TMEM266: variants seen among roughly 807,000 people sequenced by gnomAD.
TMEM266 encodes transmembrane protein 266.
Under a neutral mutation model 50.5 loss-of-function variants are expected in TMEM266, and 33 were observed. The ratio of observed to expected loss-of-function variants is 0.65; its 90% CI spans 0.50 to 0.87. The LOEUF is 0.87. Ranked by LOEUF, TMEM266 falls within the 40% of genes least tolerant of loss-of-function variation. The probability of loss-of-function intolerance (pLI) is 0.00; values close to 1 mark genes in which losing one functional copy is unlikely to be tolerated. For synonymous variants in TMEM266, 310 were observed against 292.3 expected (o/e 1.06, Z -0.62); for missense variants, 655 against 695.1 (o/e 0.94, Z 0.65).
intron 1 of TMEM266, among the ~76,000 whole-genome samples, chr15:76,075,561 C>G (rs1596086458): frequency 6.6e-6 from 1 of 152,088 alleles, no homozygotes; most frequent in Admixed American, 6.5e-5. Context: ...TTGGGGACCC[C>G]TCAATCAGGC....
At chr15:76,106,043 A>G (rs2955752) in intron 1 of TMEM266, among the ~76,000 whole-genome samples, 123,003 of 151,608 alleles carry the variant, frequency 0.81, 50,023 homozygotes, top group Admixed American at 0.86. Context: ...TCTCCTCCAG[A>G]TTCCCAGATG....
rs773575245 is a variant in TMEM266, at chr15:76,168,805, G to A, written c.457-1011G>A. On this transcript the variant is annotated intron_variant, in intron 5 of 10. Transcript: ENST00000388942. The surrounding 1 kb of genome is among the most constrained non-coding windows in gnomAD (Gnocchi z 4.4). ...ACAAGGCAGTGCTGTGGAGGGTGAC[G>A]CCCAGAAACCATAGGAACACCCAGG... 1.3e-5 allele frequency among the ~76,000 whole-genome samples: 2 copies of A among 152,180 alleles called. No individual in the cohort carries two copies. Among genetic ancestry groups the A allele is most frequent in the Non-Finnish European group, 2.9e-5 (2 of 68,046 alleles).
chr15:76,202,164 C>T (rs1314917643), intron 9 of TMEM266, 38 bp from the exon 10 acceptor site: 17 of 1,562,232 alleles, frequency 1.1e-5, no homozygotes, highest in African/African-American at 1.4e-5. Context: ...AGAGAATGAA[C>T]TTGATGCACT....
intron 9 of TMEM266, 42 bp from the exon 10 acceptor site, chr15:76,202,160 T>C (rs867583362): frequency 9.0e-6 from 14 of 1,548,054 alleles, no homozygotes; most frequent in Admixed American, 1.7e-5. Context: ...GGGTAGAGAA[T>C]GAACTTGATG....
chr15:76,141,525 C>T lies in TMEM266; in HGVS notation c.227+3630C>T, dbSNP rs139488927. On this transcript the variant is annotated intron_variant, in intron 3 of 10. Coordinates refer to ENST00000388942, the MANE Select transcript of TMEM266 (RefSeq NM_152335.3). ...AAGTGTTGGGATTACAGGCGTGAGC[C>T]ACAGTGCCTAGCCTCAGTGTACTTT... is the stretch of plus-strand genomic sequence containing the variant. Among the ~76,000 whole-genome samples the T allele has an allele frequency of 5.2e-3, 796 of 152,274 alleles. 6 individuals are homozygous for T. Among genetic ancestry groups the T allele is most frequent in the African/African-American group, 0.019 (771 of 41,538 alleles).
At chr15:76,147,670 G>A (rs1357554096) in intron 3 of TMEM266, among the ~76,000 whole-genome samples, 2 of 152,220 alleles carry the variant, frequency 1.3e-5, no homozygotes, top group South Asian at 2.1e-4. Context: ...CATTTTTCCT[G>A]ATGAGCACTG....
intron 4 of TMEM266, among the ~76,000 whole-genome samples, chr15:76,159,559 C>G (rs1567171146): frequency 1.3e-5 from 2 of 152,170 alleles, no homozygotes; most frequent in African/African-American, 2.4e-5. Flanking sequence ...CTCACTGCAG[C>G]CTTCTCTCTA....
intron 5 of TMEM266, among the ~76,000 whole-genome samples, chr15:76,166,828 G>A (rs1198394771): frequency 6.6e-6 from 1 of 152,252 alleles, no homozygotes; most frequent in Non-Finnish European, 1.5e-5. Context: ...CAGAGTTTCA[G>A]TTTGGGAAGG....
intron 7 of TMEM266, among the ~76,000 whole-genome samples, chr15:76,171,827 CTG>C (rs1466536524): frequency 6.6e-6 from 1 of 152,162 alleles, no homozygotes; most frequent in African/African-American, 2.4e-5. Flanking sequence ...TGGGTGGCTC[CTG>C]TGTTTCCAGA....
chr15:76,088,276 G>A (rs951802498), intron 1 of TMEM266, among the ~76,000 whole-genome samples: 1 of 152,230 alleles, frequency 6.6e-6, no homozygotes, highest in Admixed American at 6.5e-5. Flanking sequence ...CAATAAGACA[G>A]TGTGATGAAA....
rs182761753 is a variant in TMEM266, at chr15:76,068,494, A to G, written c.-97+8478A>G. ...TGTTTCCCCTCCAAAAAATATATGTATATGTTGAAGCCCTAACCCCCAATG... is the reference window on the plus strand; with the variant it reads ...TGTTTCCCCTCCAAAAAATATATGTGTATGTTGAAGCCCTAACCCCCAATG... On this transcript the variant is annotated intron_variant, in intron 1 of 10. Transcript: ENST00000388942. Among the ~76,000 whole-genome samples the G allele has an allele frequency of 1.2e-3, 188 of 152,294 alleles. 1 individual carries two copies. Among genetic ancestry groups the G allele is most frequent in the African/African-American group, 4.1e-3 (170 of 41,556 alleles).
chr15:76,093,359 A>G (rs370201840), intron 1 of TMEM266, among the ~76,000 whole-genome samples: 2 of 150,094 alleles, frequency 1.3e-5, no homozygotes, highest in African/African-American at 2.5e-5. Context: ...TCATTGTTCA[A>G]CTCCCACTTA....
rs1176737547 is a variant in TMEM266, at chr15:76,175,578, G to A, written c.672G>A (p.Lys224=). 2.5e-6 allele frequency: 4 copies of A among 1,613,964 alleles called. No homozygotes were observed. Among genetic ancestry groups the A allele is most frequent in the East Asian group, 4.5e-5 (2 of 44,890 alleles). The change falls in exon 8 of 11, where the codon AAG becomes AAA. Residue 224 remains lysine (K), a synonymous_variant. Coordinates refer to ENST00000388942, the MANE Select transcript of TMEM266 (RefSeq NM_152335.3). ...TTCCAGCCTACGTCCTGCCAGTGAA[G>A]CTGGAGATGGAGATGGTTATCCAGC...
At chr15:76,104,024 G>A (rs947193258) in intron 1 of TMEM266, among the ~76,000 whole-genome samples, 1 of 151,110 alleles carries the variant, frequency 6.6e-6, no homozygotes, top group Non-Finnish European at 1.5e-5. Flanking sequence ...TGGCTAACAT[G>A]ATGAAACCCC....
chr15:76,193,283 T>C (rs1001952504), intron 9 of TMEM266, among the ~76,000 whole-genome samples: 1 of 152,140 alleles, frequency 6.6e-6, no homozygotes, highest in African/African-American at 2.4e-5. Context: ...TGCAGTGGTA[T>C]CATAATAGTT....
chr15:76,067,590 G>A (rs1015168670), intron 1 of TMEM266, among the ~76,000 whole-genome samples: 38 of 138,034 alleles, frequency 2.8e-4, no homozygotes, highest in African/African-American at 9.2e-4. Context: ...CCGAGATTGC[G>A]CCATTGCACT....
chr15:76,108,395 GAAAGGGAATTT>G (rs1034874878), intron 1 of TMEM266, among the ~76,000 whole-genome samples: 4 of 152,224 alleles, frequency 2.6e-5, no homozygotes, highest in African/African-American at 9.6e-5. Context: ...GCTTAGAACT[GAAAGGGAATTT>G]AAAGATCATT....
chr15:76,139,458 A>G lies in TMEM266; in HGVS notation c.227+1563A>G, dbSNP rs560565046. Among the ~76,000 whole-genome samples, 99 of 152,350 alleles carry G rather than the reference A, an allele frequency of 6.5e-4. 1 individual carries two copies. Among genetic ancestry groups the G allele is most frequent in the Non-Finnish European group, 2.9e-5 (2 of 68,028 alleles). ...ATCTTGAAGGCCGGGCTGAAACCTGAGGCCCCTGGGCCAGGGCCAGCTTCG... is the reference window on the plus strand; with the variant it reads ...ATCTTGAAGGCCGGGCTGAAACCTGGGGCCCCTGGGCCAGGGCCAGCTTCG... On this transcript the variant is annotated intron_variant, in intron 3 of 10. Coordinates refer to ENST00000388942, the MANE Select transcript of TMEM266 (RefSeq NM_152335.3). This position sits in a 1 kb window ranked among gnomAD's most constrained non-coding sequence, Gnocchi z 4.1.
chr15:76,131,715 C>A (rs532224416), intron 1 of TMEM266, among the ~76,000 whole-genome samples: 25 of 152,106 alleles, frequency 1.6e-4, no homozygotes, highest in Non-Finnish European at 3.4e-4. Context: ...AAGGTGAAGC[C>A]CTTGGTAAGA....
Sources: allele counts gnomAD v4.1 joint callset (sites outside exome capture counted in the v4.1 genomes callset), GRCh38; gene constraint gnomAD v4.1.1; non-coding constraint Gnocchi (gnomAD v3.1); transcripts MANE v1.5; gene names NCBI Gene and HGNC (gene_info 2026-07-23, HGNC 2026-07-21).